Variants in UXS1 observed in about 807,000 individuals in gnomAD.
UXS1 encodes UDP-glucuronate decarboxylase 1.
In UXS1, 33 loss-of-function variants were observed where a neutral mutation model predicts 62.6. That is an observed-to-expected ratio of 0.53 (90% confidence interval 0.40 to 0.70). UXS1 has a LOEUF of 0.70. Ranked by LOEUF, UXS1 falls within the 30% of genes least tolerant of loss-of-function variation. UXS1 has a pLI of 0.00. For missense variants in UXS1, 434 were observed against 556.3 expected, an observed-to-expected ratio of 0.78 and a Z score of 2.21; for synonymous variants, 213 against 206.8, an observed-to-expected ratio of 1.03 and a Z score of -0.26.
At chr2:106,143,906 C>A (rs995470395) in intron 6 of UXS1, among the ~76,000 whole-genome samples, 3 of 152,258 alleles carry the variant, frequency 2.0e-5, no homozygotes, top group Admixed American at 6.5e-5. Context: ...CTACCTGACT[C>A]TTCCATTCTC....
chr2:106,105,322 C>T (rs1212522629), intron 10 of UXS1, among the ~76,000 whole-genome samples: 1 of 152,174 alleles, frequency 6.6e-6, no homozygotes, highest in South Asian at 2.1e-4. Context: ...TTACAGCTAG[C>T]TCCCCAGGAG....
chr2:106,191,552 C>G (rs1684936349), intron 1 of UXS1, among the ~76,000 whole-genome samples: 1 of 152,254 alleles, frequency 6.6e-6, no homozygotes. Flanking sequence ...TAAAATCAAC[C>G]ATGTCGTGGG....
chr2:106,097,478 G>A (rs768515096), intron 13 of UXS1: 4 of 338,808 alleles, frequency 1.2e-5, no homozygotes, highest in African/African-American at 2.1e-5. Flanking sequence ...ACTCTGCAGC[G>A]AATCACCACC....
chr2:106,180,705 A>T (rs1684187626), intron 1 of UXS1, among the ~76,000 whole-genome samples: 1 of 152,228 alleles, frequency 6.6e-6, no homozygotes, highest in Non-Finnish European at 1.5e-5. Flanking sequence ...ACCAGAGGAT[A>T]CCATCAAATT....
chr2:106,180,862 A>G (rs1684198240), intron 1 of UXS1, among the ~76,000 whole-genome samples: 1 of 152,202 alleles, frequency 6.6e-6, no homozygotes, highest in South Asian at 2.1e-4. Flanking sequence ...CGCAAATATC[A>G]ATGATGCCTG....
chr2:106,185,385 C>A (rs1684494466), intron 1 of UXS1, among the ~76,000 whole-genome samples: 1 of 152,204 alleles, frequency 6.6e-6, no homozygotes, highest in Non-Finnish European at 1.5e-5. Context: ...ACTTCTGATA[C>A]CACGTGTGTG....
At chr2:106,101,273 T>A (rs1573395343) in intron 11 of UXS1, 155 bp from the exon 12 acceptor site, 1 of 700,210 alleles carries the variant, frequency 1.4e-6, no homozygotes, top group Non-Finnish European at 2.4e-6. Context: ...TCCTACAAAC[T>A]AAGATGGTGT....
At chr2:106,115,447 G>A (rs2104896170) in intron 9 of UXS1, among the ~76,000 whole-genome samples, 1 of 152,318 alleles carries the variant, frequency 6.6e-6, no homozygotes, top group East Asian at 1.9e-4. Flanking sequence ...AAAGCTAACT[G>A]CTGATTCATC....
At chr2:106,194,102 C>G (rs1425988290) in intron 1 of UXS1, 46 bp downstream of exon 1, 1 of 1,411,618 alleles carries the variant, frequency 7.1e-7, no homozygotes, top group South Asian at 1.4e-5. Flanking sequence ...ACCGCGGCGC[C>G]GGGGAATGAA....
chr2:106,123,145 T>C, intron 8 of UXS1, 54 bp from the exon 9 acceptor site: 10 of 1,607,438 alleles, frequency 6.2e-6, no homozygotes, highest in Non-Finnish European at 8.5e-6. Flanking sequence ...CCAGTTCATA[T>C]CAATAATGCA....
chr2:106,182,878 C>T (rs1182347508), intron 1 of UXS1, among the ~76,000 whole-genome samples: 4 of 152,070 alleles, frequency 2.6e-5, no homozygotes, highest in Non-Finnish European at 5.9e-5. Context: ...AGAGCGCTTC[C>T]GTTGGGATAG....
chr2:106,148,701 A>C (rs1003607439), intron 5 of UXS1, among the ~76,000 whole-genome samples: 1 of 152,252 alleles, frequency 6.6e-6, no homozygotes, highest in African/African-American at 2.4e-5. Context: ...TATCCTAATC[A>C]ATGTTAGCCC....
chr2:106,169,630 A>G (rs961834732), intron 1 of UXS1, among the ~76,000 whole-genome samples: 1 of 152,200 alleles, frequency 6.6e-6, no homozygotes, highest in Non-Finnish European at 1.5e-5. Context: ...TTGAGGCTGC[A>G]GTGAGCTGAG....
At chr2:106,160,220 A>T (rs1166178597) in intron 4 of UXS1, 1 of 152,178 alleles carries the variant, frequency 6.6e-6, no homozygotes, top group Non-Finnish European at 1.5e-5. Context: ...TCTCAGAGTT[A>T]TTTGTGTGCA....
Position 106,138,140 on chromosome 2 carries a change from G to A in UXS1, c.472+7050C>T, listed in dbSNP as rs115625206. On this transcript the variant is annotated intron_variant, in intron 6 of 14. Transcript: ENST00000283148. ...CCTTGAGAGTACAGGAAGCCTCTCC[G>A]ACATCAAACAGAAAGCCACTATCAT... 6.4e-4 allele frequency: 630 copies of A among 982,942 alleles called. 3 individuals carry two copies. In the African/African-American group the frequency reaches 9.9e-3, roughly 15 times the overall value. 60.9% of individuals were successfully genotyped at this position (982,942 alleles called of 1,614,324 possible). A position where few individuals can be genotyped will look rare whatever the true frequency, so the allele number is the denominator to read the frequency against.
At chr2:106,189,272 G>A (rs1320956781) in intron 1 of UXS1, among the ~76,000 whole-genome samples, 2 of 152,154 alleles carry the variant, frequency 1.3e-5, no homozygotes, top group Admixed American at 1.3e-4. Context: ...GTGGATCTTG[G>A]AACACCACGG....
intron 4 of UXS1, among the ~76,000 whole-genome samples, chr2:106,161,330 T>C (rs1479941218): frequency 6.6e-6 from 1 of 152,116 alleles, no homozygotes; most frequent in Non-Finnish European, 1.5e-5. Flanking sequence ...GGGCTCGAAC[T>C]CCTGGGCTCA....
chr2:106,111,482 T>C (rs1678604706), intron 10 of UXS1, among the ~76,000 whole-genome samples: 1 of 152,176 alleles, frequency 6.6e-6, no homozygotes, highest in Non-Finnish European at 1.5e-5. Context: ...AGGCTTTTGG[T>C]TCTACGTTGG....
intron 9 of UXS1, 60 bp downstream of exon 9, chr2:106,122,910 A>C: frequency 5.0e-6 from 8 of 1,595,146 alleles, no homozygotes; most frequent in Non-Finnish European, 6.8e-6. Context: ...ACAACACTTT[A>C]CATCTGAGGT....
Sources: gnomAD v4.1 joint callset for allele counts (sites outside exome capture counted in the v4.1 genomes callset) on GRCh38, gnomAD v4.1.1 for gene constraint, MANE v1.5 for transcripts, NCBI Gene and HGNC (gene_info 2026-07-23, HGNC 2026-07-21) for gene names.